Variants in ABCA10 observed in about 807,000 individuals in gnomAD.
ABCA10 encodes ATP-binding cassette sub-family A member 10.
In ABCA10, 169 loss-of-function variants were observed where a neutral mutation model predicts 187.5. That is an observed-to-expected ratio of 0.90 (90% CI 0.80 to 1.02). ABCA10 has a LOEUF of 1.02. Among genes scored for constraint, ABCA10 ranks in the 50% least tolerant of loss-of-function variants. The pLI is 0.00. For missense variants in ABCA10, 1,727 were observed against 1,812.4 expected, an observed-to-expected ratio of 0.95 and a Z score of 0.86; for synonymous variants, 574 against 601.8, an observed-to-expected ratio of 0.95 and a Z score of 0.68.
At chr17:69,213,584 C>A (rs1042362778) in intron 9 of ABCA10, among the ~76,000 whole-genome samples, 1 of 152,204 alleles carries the variant, frequency 6.6e-6, no homozygotes, top group Non-Finnish European at 1.5e-5. Context: ...GCCCCCACAA[C>A]AGCACTGAGT....
Position 69,182,326 on chromosome 17 carries a change from C to A in ABCA10, c.2632-36G>T, listed in dbSNP as rs748368459. The A allele has an allele frequency of 3.3e-5, 44 of 1,333,280 alleles. No homozygotes were observed. The African/African-American group carries it at 5.8e-4, about 18-fold the overall frequency. 82.6% of individuals were successfully genotyped at this position (1,333,280 alleles called of 1,614,324 possible). A position where few individuals can be genotyped will look rare whatever the true frequency, so the allele number is the denominator to read the frequency against. On this transcript the variant is annotated intron_variant, in intron 21 of 38. Transcript: ENST00000690296. ...AGTACACAAATATAAGTTATAAATT[C>A]TTATAGTAAATATATTTATTGTATA...
At position 69,148,339 on chromosome 17, in the gene ABCA10, T is replaced by G. The variant is rs1479987901; in HGVS notation, c.*488A>C. 6.5e-6 allele frequency: 1 copy of G among 152,994 alleles called. No homozygotes were observed. Among genetic ancestry groups the G allele is most frequent in the African/African-American group, 2.4e-5 (1 of 41,462 alleles). 9.5% of individuals were successfully genotyped at this position (152,994 alleles called of 1,614,324 possible). Reference sequence around the variant, plus strand: ...GTACTAAAATTCACATGCATTTATTTTATAATCAGAATGTCATTATAATTA... The same window carrying G: ...GTACTAAAATTCACATGCATTTATTGTATAATCAGAATGTCATTATAATTA... On this transcript the variant is annotated 3_prime_UTR_variant, in exon 39 of 39. Coordinates refer to ENST00000690296, the MANE Select transcript of ABCA10 (RefSeq NM_001377321.1).
At chr17:69,236,821 G>C (rs1358820386) in intron 1 of ABCA10, among the ~76,000 whole-genome samples, 1 of 152,008 alleles carries the variant, frequency 6.6e-6, no homozygotes, top group Non-Finnish European at 1.5e-5. Context: ...CATCTGGTGG[G>C]AAGAGGCTAA....
intron 1 of ABCA10, among the ~76,000 whole-genome samples, chr17:69,237,251 C>CA (rs1296664029): frequency 3.9e-5 from 6 of 152,188 alleles, no homozygotes; most frequent in African/African-American, 9.6e-5. Context: ...TAGGGCAGAG[C>CA]AAAATGTATA....
chr17:69,190,948 AT>A (rs2074455010), intron 17 of ABCA10, among the ~76,000 whole-genome samples: 1 of 152,146 alleles, frequency 6.6e-6, no homozygotes, highest in South Asian at 2.1e-4. Context: ...TCAAAGTTTA[AT>A]TTTGACAAAG....
intron 25 of ABCA10, among the ~76,000 whole-genome samples, chr17:69,169,327 A>G (rs1490748679): frequency 6.6e-6 from 1 of 152,244 alleles, no homozygotes; most frequent in Admixed American, 6.5e-5. Context: ...TCAAGTCAAT[A>G]TATAATGTAC....
At chr17:69,214,189 TAC>T (rs1443080727) in intron 9 of ABCA10, among the ~76,000 whole-genome samples, 4 of 152,240 alleles carry the variant, frequency 2.6e-5, no homozygotes, top group African/African-American at 7.2e-5. Flanking sequence ...CCAAAATAAA[TAC>T]AGTTCTTTTT....
chr17:69,150,479 A>T (rs1452016313), intron 36 of ABCA10: 2 of 154,816 alleles, frequency 1.3e-5, no homozygotes, highest in African/African-American at 4.8e-5. Context: ...GCTAAAAAAA[A>T]ATTTTTTTCT....
At chr17:69,212,316 T>C (rs1306720525) in intron 9 of ABCA10, among the ~76,000 whole-genome samples, 3 of 152,188 alleles carry the variant, frequency 2.0e-5, no homozygotes. Flanking sequence ...TGATTTTCAA[T>C]TTTGTTCCAC....
chr17:69,201,716 A>G, intron 9 of ABCA10, 48 bp from the exon 10 acceptor site: 4 of 1,396,308 alleles, frequency 2.9e-6, no homozygotes, highest in Non-Finnish European at 3.9e-6. Flanking sequence ...ATACCACACC[A>G]ATAAAAAGGG....
chr17:69,164,151 C>T lies in ABCA10; in HGVS notation c.3286G>A (p.Asp1096Asn), dbSNP rs746448859. Residue 1096 changes from aspartate (D) to asparagine (N), a missense_variant, in exon 27 of 39, where the codon GAC becomes AAC. Transcript: ENST00000690296. ...AGACTGTCCAAGTTTCTCATAAAGT[C>T]GAGCTGAAAAAAAACCCACCAACAG... is the stretch of plus-strand genomic sequence containing the variant. The part of the protein sequence containing the change: ...LGYVMLLIQL[D>N]FMRNLDSLDN... 1.7e-5 allele frequency: 26 copies of T among 1,569,044 alleles called. No individual in the cohort carries two copies. The highest frequency in any genetic ancestry group is 2.4e-5 in the South Asian group (2 of 82,680).
chr17:69,167,590 A>G (rs1360363185), intron 25 of ABCA10, among the ~76,000 whole-genome samples: 2 of 152,214 alleles, frequency 1.3e-5, no homozygotes, highest in Non-Finnish European at 2.9e-5. Context: ...TCAATAACTA[A>G]TAGACACCAC....
upstream of ABCA10, among the ~76,000 whole-genome samples, chr17:69,232,775 T>C (rs896036693): frequency 6.6e-5 from 10 of 152,156 alleles, no homozygotes; most frequent in African/African-American, 2.4e-4. Flanking sequence ...CTTTTGTGTG[T>C]CTAGTAAAGT....
At chr17:69,228,124 C>A (rs1333482334) in intron 1 of ABCA10, among the ~76,000 whole-genome samples, 10 of 151,940 alleles carry the variant, frequency 6.6e-5, no homozygotes, top group Admixed American at 3.9e-4. Flanking sequence ...TCTCTAAATT[C>A]TAACTTAAGA....
chr17:69,209,406 A>G (rs1182716965), intron 9 of ABCA10, among the ~76,000 whole-genome samples: 1 of 152,270 alleles, frequency 6.6e-6, no homozygotes, highest in East Asian at 1.9e-4. Context: ...AATTACTCAT[A>G]TGAACATGTT....
chr17:69,171,684 G>A (rs528706407), intron 25 of ABCA10, among the ~76,000 whole-genome samples: 1 of 152,088 alleles, frequency 6.6e-6, no homozygotes, highest in African/African-American at 2.4e-5. Flanking sequence ...AGTCAGAGAA[G>A]GTTAGTCAAT....
chr17:69,193,478 T>C lies in ABCA10; in HGVS notation c.1641+15A>G. The C allele has an allele frequency of 6.2e-7, 1 of 1,602,374 alleles. No individual in the cohort carries two copies. ...TCAATCTAAATTAATTGTAAAAATATATTTTTTCTCTCACCTGAGGATCTC... is the reference window on the plus strand; with the variant it reads ...TCAATCTAAATTAATTGTAAAAATACATTTTTTCTCTCACCTGAGGATCTC... On this transcript the variant is annotated intron_variant, in intron 14 of 38. Transcript: ENST00000690296.
chr17:69,158,178 C>T (rs74001828), intron 27 of ABCA10, among the ~76,000 whole-genome samples: 1,677 of 152,004 alleles, frequency 0.011, 30 homozygotes, highest in African/African-American at 0.038. Flanking sequence ...TCAGTAAAAT[C>T]AGAAACAATG....
chr17:69,170,354 A>G (rs1392700226), intron 25 of ABCA10, among the ~76,000 whole-genome samples: 1 of 150,140 alleles, frequency 6.7e-6, no homozygotes, highest in African/African-American at 2.5e-5. Flanking sequence ...TGTATCTTTG[A>G]CCATCTTGCT....
Sources: gnomAD v4.1 joint callset for allele counts (sites outside exome capture counted in the v4.1 genomes callset) on GRCh38, gnomAD v4.1.1 for gene constraint, MANE v1.5 for transcripts, NCBI Gene and HGNC (gene_info 2026-07-23, HGNC 2026-07-21) for gene names.